Variants in ATM observed in about 807,000 individuals in gnomAD.
The protein encoded by ATM is serine-protein kinase ATM.
ATM carries 308 observed loss-of-function variants against 387.0 expected under a neutral mutation model. That is an observed-to-expected ratio of 0.80 (90% CI 0.73 to 0.87). The LOEUF is 0.87. ATM is among the 40% of genes least tolerant of loss of function. The probability of loss-of-function intolerance (pLI) is 0.00; values close to 1 mark genes in which losing one functional copy is unlikely to be tolerated. For missense variants in ATM, 3,312 were observed against 3,560.9 expected, an observed-to-expected ratio of 0.93 and a Z score of 1.78; for synonymous variants, 1,156 against 1,187.3, an observed-to-expected ratio of 0.97 and a Z score of 0.54.
At chr11:108,244,151 T>A (rs2135228495) in intron 6 of ATM, 33 bp downstream of exon 6, 3 of 1,611,300 alleles carry the variant, frequency 1.9e-6, no homozygotes, top group Non-Finnish European at 2.5e-6. Flanking sequence ...TGTTTTGTAT[T>A]GAAATACTTT....
chr11:108,252,951 T>A, intron 12 of ATM, 39 bp downstream of exon 12: 1 of 1,486,554 alleles, frequency 6.7e-7, no homozygotes, highest in Non-Finnish European at 9.4e-7. Context: ...TTTTAAGCTA[T>A]AGCTTTAATT....
At position 108,247,040 on chromosome 11, in the gene ATM, A is replaced by G. The variant is rs1555068424; in HGVS notation, c.978A>G (p.Ile326Met). The change falls in exon 8 of 63, where the codon ATA becomes ATG. Residue 326 changes from isoleucine to methionine, a missense_variant. Around this residue, in one of 4 missense-constraint regions of ATM, gnomAD observed 1,791 missense variants for 1,804.5 expected, o/e 0.99. Coordinates refer to ENST00000675843, the MANE Select transcript of ATM (RefSeq NM_000051.4). ...TGCTAGTGAATGAGATAAGTCATATAGGAAGTAGAGGAAAGTATTCTTCAG... is the reference window on the plus strand; with the variant it reads ...TGCTAGTGAATGAGATAAGTCATATGGGAAGTAGAGGAAAGTATTCTTCAG... The part of the protein sequence containing the change: ...YDLLVNEISH[I>M]GSRGKYSSGF... 1 of 1,613,698 alleles carries G rather than the reference A, an allele frequency of 6.2e-7. No homozygotes were observed. Among genetic ancestry groups the G allele is most frequent in the Non-Finnish European group, 8.5e-7 (1 of 1,179,672 alleles).
intron 40 of ATM, among the ~76,000 whole-genome samples, 187 bp from the exon 41 acceptor site, chr11:108,315,636 C>T (rs2084560789): frequency 6.6e-6 from 1 of 152,064 alleles, no homozygotes; most frequent in South Asian, 2.1e-4. Context: ...AGTTGTCCTG[C>T]ACAGTTCAAA....
intron 61 of ATM, among the ~76,000 whole-genome samples, chr11:108,357,600 C>A (rs1363753355): frequency 1.3e-5 from 2 of 152,156 alleles, no homozygotes; most frequent in African/African-American, 4.8e-5. Flanking sequence ...GGAGATCGGA[C>A]AACAGGCAGA....
chr11:108,272,592 T>C lies in ATM; in HGVS notation c.3138T>C (p.Leu1046=), dbSNP rs3092858. The stretch of plus-strand genomic sequence containing the variant: ...TAAGAATGGCCCTAGTAAATTGCCT[T>C]AAAACTTTGCTTGAGGTGAGTTTTT... ...FSVRMALVNC[L]KTLLEADPYS... is the part of the protein sequence containing the mutation. The change falls in exon 21 of 63, where the codon CTT becomes CTC. Residue 1046 remains leucine (L), a synonymous_variant. Transcript: ENST00000675843. The C allele has an allele frequency of 1.9e-6, 3 of 1,613,810 alleles. No individual in the cohort carries two copies. Among genetic ancestry groups the C allele is most frequent in the South Asian group, 2.2e-5 (2 of 91,082 alleles).
rs1060501559 is a variant in ATM at position 108,317,422 on chromosome 11, G to C, written c.6248G>C (p.Gly2083Ala). The change falls in exon 43 of 63, where the codon GGA becomes GCA. Residue 2083 changes from glycine to alanine, a missense_variant. By Grantham distance (60) the Gly-to-Ala change is moderately conservative. This residue lies in a region of ATM where 1,405 missense variants were observed against 1,604.4 expected (regional missense o/e 0.88). Transcript: ENST00000675843. ...LCHILSVYLKGLDYENKDWCP... is the reference protein window; with the variant it reads ...LCHILSVYLKALDYENKDWCP... Reference sequence around the variant, plus strand: ...CATATTCTTTCCGTCTATTTAAAAGGATTGGATTATGAAAATAAAGACTGG... The same window carrying C: ...CATATTCTTTCCGTCTATTTAAAAGCATTGGATTATGAAAATAAAGACTGG... 4 of 1,612,182 alleles carry C rather than the reference G, an allele frequency of 2.5e-6. No homozygotes were observed. Among genetic ancestry groups the C allele is most frequent in the Non-Finnish European group, 2.5e-6 (3 of 1,179,168 alleles).
At chr11:108,276,836 C>T (rs1385516661) in intron 22 of ATM, among the ~76,000 whole-genome samples, 2 of 152,132 alleles carry the variant, frequency 1.3e-5, no homozygotes, top group Admixed American at 6.5e-5. Flanking sequence ...TCAGGAGGCA[C>T]GGGGGTCAGG....
intron 16 of ATM, among the ~76,000 whole-genome samples, chr11:108,260,326 C>A (rs550603226): frequency 3.3e-5 from 5 of 152,280 alleles, no homozygotes; most frequent in Admixed American, 2.6e-4. Flanking sequence ...TGAGCCACCA[C>A]ACTGAGCCAA....
rs2137038028 is a variant in ATM, at chr11:108,345,897, C to T, written c.8573C>T (p.Thr2858Ile). 4 of 1,613,660 alleles carry T rather than the reference C, an allele frequency of 2.5e-6. No homozygotes were observed. Among genetic ancestry groups the T allele is most frequent in the Non-Finnish European group, 3.4e-6 (4 of 1,179,730 alleles). ...KRLAYTRSVA[T>I]SSIVGYILGL... ...TTGGCTTATACGCGCAGTGTAGCTACTTCTTCTATTGGTAATCTTCTTGTA... is the reference window on the plus strand; with the variant it reads ...TTGGCTTATACGCGCAGTGTAGCTATTTCTTCTATTGGTAATCTTCTTGTA... Residue 2858 changes from threonine to isoleucine, a missense_variant, in exon 58 of 63, where the codon ACT becomes ATT. By Grantham distance (89) the Thr-to-Ile change is moderately conservative. This residue lies in a region of ATM where 1,405 missense variants were observed against 1,604.4 expected (regional missense o/e 0.88). Coordinates refer to ENST00000675843, the MANE Select transcript of ATM (RefSeq NM_000051.4).
chr11:108,257,846 T>G (rs566691006), intron 15 of ATM, among the ~76,000 whole-genome samples: 2 of 152,204 alleles, frequency 1.3e-5, no homozygotes, highest in Non-Finnish European at 2.9e-5. Flanking sequence ...TGTTACTGTT[T>G]TGGTGTCCAC....
chr11:108,253,556 A>G (rs1243266914), intron 12 of ATM, among the ~76,000 whole-genome samples: 1 of 152,042 alleles, frequency 6.6e-6, no homozygotes, highest in Non-Finnish European at 1.5e-5. Flanking sequence ...TACTTTCTGA[A>G]TTTGCCTTTG....
intron 4 of ATM, chr11:108,230,447 A>T (rs1302429874): frequency 6.6e-6 from 1 of 152,166 alleles, no homozygotes; most frequent in East Asian, 1.9e-4. Flanking sequence ...GTCTTTTGTT[A>T]CTGCTTCTCC....
intron 48 of ATM, 88 bp downstream of exon 48, chr11:108,327,846 A>G (rs1180697621): frequency 4.8e-6 from 5 of 1,046,836 alleles, no homozygotes; most frequent in Non-Finnish European, 7.3e-6. Flanking sequence ...TCCAAAGCAA[A>G]TAAAAGTATG....
intron 26 of ATM, among the ~76,000 whole-genome samples, chr11:108,285,208 C>A (rs2082430489): frequency 6.6e-6 from 1 of 152,132 alleles, no homozygotes; most frequent in African/African-American, 2.4e-5. Flanking sequence ...GATCTTCCCA[C>A]CTCAGCCTCC....
At chr11:108,251,408 A>C (rs2080143108) in intron 10 of ATM, among the ~76,000 whole-genome samples, 1 of 152,082 alleles carries the variant, frequency 6.6e-6, no homozygotes, top group Non-Finnish European at 1.5e-5. Context: ...GGATATCAGC[A>C]CCCTACGTAT....
chr11:108,367,153 A>G lies in ATM; in HGVS notation c.*1645A>G, dbSNP rs2091373745. ...CAGGCGTGTGCCAACACGCCCGGCT[A>G]ATTTTTTGTATTTTTATTAGAGACG... is the stretch of plus-strand genomic sequence containing the variant. On this transcript the variant is annotated 3_prime_UTR_variant, in exon 63 of 63. Transcript: ENST00000675843. The G allele has an allele frequency of 5.6e-6, 1 of 177,650 alleles. No individual in the cohort carries two copies. The allele number at this position is 177,650 out of a possible 1,614,324, so 11.0% of individuals were successfully genotyped here. A position where few individuals can be genotyped will look rare whatever the true frequency, so the allele number is the denominator to read the frequency against.
intron 22 of ATM, 24 bp from the exon 23 acceptor site, chr11:108,279,467 G>C (rs777431376): frequency 6.6e-7 from 1 of 1,511,672 alleles, no homozygotes; most frequent in Non-Finnish European, 9.1e-7. Context: ...CTTTTTGTTT[G>C]TTTGTTTGCT....
chr11:108,283,076 T>C (rs1031875633), intron 25 of ATM, among the ~76,000 whole-genome samples, 197 bp downstream of exon 25: 1 of 152,216 alleles, frequency 6.6e-6, no homozygotes, highest in Non-Finnish European at 1.5e-5. Flanking sequence ...GATCTGGTCC[T>C]AGCTGTGCCA....
At chr11:108,327,580 T>A in intron 47 of ATM, 65 bp from the exon 48 acceptor site, 1 of 1,336,520 alleles carries the variant, frequency 7.5e-7, no homozygotes, top group Non-Finnish European at 1.1e-6. Context: ...TCCCCGTACA[T>A]GAAGGGCAGT....
Sources: allele counts gnomAD v4.1 joint callset (sites outside exome capture counted in the v4.1 genomes callset), GRCh38; gene constraint gnomAD v4.1.1; regional missense constraint gnomAD v4.1.1; transcripts MANE v1.5; gene names NCBI Gene and HGNC (gene_info 2026-07-23, HGNC 2026-07-21).